CDH11: variants seen among roughly 807,000 people sequenced by gnomAD.
CDH11 encodes cadherin 11, also known as cadherin-11.
Under a neutral mutation model 67.8 loss-of-function variants are expected in CDH11, and 11 were observed. That is an observed-to-expected ratio of 0.16 (90% CI 0.10 to 0.27). The LOEUF (loss-of-function observed/expected upper bound fraction) is 0.27. Ranked by LOEUF, CDH11 falls within the 10% of genes least tolerant of loss-of-function variation. CDH11 has a pLI of 1.00. For missense variants in CDH11, 847 were observed against 1,031.2 expected (o/e 0.82, Z 2.45); for synonymous variants, 419 against 400.0 (o/e 1.05, Z -0.57).
rs188738588 is a variant in CDH11, at chr16:65,100,724, C to T, written c.-298+21156G>A. Among the ~76,000 whole-genome samples, 707 of 138,760 alleles carry T rather than the reference C, an allele frequency of 5.1e-3. 2 individuals carry two copies. Among genetic ancestry groups the T allele is most frequent in the African/African-American group, 0.018 (668 of 37,476 alleles). The allele number at this position is 138,760 out of a possible 152,430, so 91.0% of individuals were successfully genotyped here. ...CTGCACTCCAGCCCGGGTGACAGAG[C>T]GAGACTCTGTCTCAAAAAAAAAAAA... On this transcript the variant is annotated intron_variant, in intron 1 of 12. Coordinates refer to ENST00000268603, the MANE Select transcript of CDH11 (RefSeq NM_001797.4).
intron 6 of CDH11, among the ~76,000 whole-genome samples, chr16:64,990,539 T>TCACACA (rs2072601660): frequency 8.6e-6 from 1 of 116,752 alleles, no homozygotes; most frequent in Admixed American, 1.1e-4. Flanking sequence ...TACTGTCCAT[T>TCACACA]CATACACATC....
At chr16:65,062,302 G>A (rs529800980) in intron 1 of CDH11, among the ~76,000 whole-genome samples, 9 of 152,214 alleles carry the variant, frequency 5.9e-5, no homozygotes, top group Admixed American at 1.3e-4. Flanking sequence ...CAAGAAATCC[G>A]CTTATTTGCA....
chr16:65,101,623 C>G (rs2074993556), intron 1 of CDH11, among the ~76,000 whole-genome samples: 3 of 152,192 alleles, frequency 2.0e-5, no homozygotes, highest in Admixed American at 2.0e-4. Flanking sequence ...AAGACCATCA[C>G]TACCATCTTC....
chr16:64,991,616 T>C, intron 6 of CDH11, 152 bp downstream of exon 6: 1 of 542,716 alleles, frequency 1.8e-6, no homozygotes, highest in Non-Finnish European at 3.4e-6. Flanking sequence ...TGTTGTCTTG[T>C]TTTTGTGTTT....
intron 1 of CDH11, among the ~76,000 whole-genome samples, chr16:65,055,222 T>C (rs966472397): frequency 4.6e-5 from 7 of 152,190 alleles, no homozygotes; most frequent in Non-Finnish European, 1.0e-4. Context: ...TACCCCACAA[T>C]AACCCAGACA....
At chr16:65,019,862 A>G (rs2073386873) in intron 2 of CDH11, among the ~76,000 whole-genome samples, 2 of 151,892 alleles carry the variant, frequency 1.3e-5, no homozygotes, top group Non-Finnish European at 2.9e-5. Context: ...AGCCTATCTC[A>G]CTTAAAACAA....
Position 64,948,058 on chromosome 16 carries a change from C to T in CDH11, c.1936G>A (p.Glu646Lys). ...LFVTLRRQKKEPLIVFEEEDV... is the reference protein window; with the variant it reads ...LFVTLRRQKKKPLIVFEEEDV... ...TCTTCCTCAAAGACAATGAGTGGTT[C>T]TTTCTTTTGCCTTCTCAGGGTCACA... is the stretch of plus-strand genomic sequence containing the variant. The change falls in exon 13 of 13, where the codon GAA becomes AAA. Residue 646 changes from glutamate (E) to lysine (K), a missense_variant. Glu to Lys is a moderately conservative substitution (Grantham distance 56, BLOSUM62 1). This residue lies in a region of CDH11 where 612 missense variants were observed against 678.7 expected (regional missense o/e 0.90). Coordinates refer to ENST00000268603, the MANE Select transcript of CDH11 (RefSeq NM_001797.4). 1 of 1,614,036 alleles carries T rather than the reference C, an allele frequency of 6.2e-7. No individual in the cohort carries two copies. The highest frequency in any genetic ancestry group is 1.3e-5 in the African/African-American group (1 of 75,014).
intron 2 of CDH11, among the ~76,000 whole-genome samples, chr16:65,047,941 T>A (rs1233130223): frequency 6.6e-6 from 1 of 152,132 alleles, no homozygotes; most frequent in Non-Finnish European, 1.5e-5. Flanking sequence ...TTCTCACAGA[T>A]CCATGGAGCT....
chr16:64,999,914 C>T (rs180784208), intron 3 of CDH11, among the ~76,000 whole-genome samples: 49 of 152,230 alleles, frequency 3.2e-4, no homozygotes, highest in African/African-American at 1.1e-3. Flanking sequence ...TTTGTTACTA[C>T]AAACAATTCA....
rs570920283 is a variant in CDH11, at chr16:65,059,942, G to A, written c.-297-6014C>T. On this transcript the variant is annotated intron_variant, in intron 1 of 12. Transcript: ENST00000268603. ...TCCTACTACTCACTACATTTTATCT[G>A]TATTTCTTGCCCAAATTATGTAGCT... Among the ~76,000 whole-genome samples the A allele has an allele frequency of 3.3e-5, 5 of 152,206 alleles. No homozygotes were observed. In the South Asian group the frequency reaches 6.2e-4, roughly 19 times the overall value.
At chr16:64,971,074 A>G (rs1376949586) in intron 11 of CDH11, among the ~76,000 whole-genome samples, 1 of 152,246 alleles carries the variant, frequency 6.6e-6, no homozygotes, top group African/African-American at 2.4e-5. Context: ...TGGACAAACA[A>G]TGCTTTGTTT....
chr16:64,968,981 T>C (rs547754610), intron 11 of CDH11, among the ~76,000 whole-genome samples: 1 of 152,324 alleles, frequency 6.6e-6, no homozygotes, highest in East Asian at 1.9e-4. Context: ...GGAGTTTTCA[T>C]TAACTGTTTG....
intron 2 of CDH11, among the ~76,000 whole-genome samples, chr16:65,028,126 G>A (rs2073569227): frequency 6.6e-6 from 1 of 152,190 alleles, no homozygotes; most frequent in African/African-American, 2.4e-5. Context: ...CTCTTCTGTG[G>A]CGATGCTTTC....
At chr16:64,980,618 T>C (rs988938803) in intron 8 of CDH11, among the ~76,000 whole-genome samples, 4 of 152,132 alleles carry the variant, frequency 2.6e-5, no homozygotes, top group African/African-American at 4.8e-5. Flanking sequence ...AAGAATGAGA[T>C]GGAGGTAGAG....
chr16:65,094,922 G>A (rs139203722), intron 1 of CDH11: 16 of 152,140 alleles, frequency 1.1e-4, no homozygotes, highest in African/African-American at 3.9e-4. Flanking sequence ...CATTCTCTTG[G>A]TTATAAATTA....
At chr16:65,095,900 C>T in intron 1 of CDH11, among the ~76,000 whole-genome samples, 1 of 152,160 alleles carries the variant, frequency 6.6e-6, no homozygotes, top group African/African-American at 2.4e-5. Context: ...GAGCTCCCTG[C>T]CTCTTCCACT....
At chr16:65,022,334 T>C (rs1290075513) in intron 2 of CDH11, among the ~76,000 whole-genome samples, 4 of 152,138 alleles carry the variant, frequency 2.6e-5, no homozygotes, top group Non-Finnish European at 5.9e-5. Flanking sequence ...GTAACACAAT[T>C]CACTATTTTA....
chr16:64,995,008 A>G (rs944452633), intron 4 of CDH11, among the ~76,000 whole-genome samples: 1 of 152,190 alleles, frequency 6.6e-6, no homozygotes. Flanking sequence ...CCAAGGAGGT[A>G]AATGATCTGT....
In CDH11 at chr16:65,035,677, C is replaced by T. The variant is rs550123922; in HGVS notation, c.-173+18127G>A. Reference sequence around the variant, plus strand: ...CACAATAATAATTCATACTTTATAGCACTTTATAATTTACAAAGGGCTTTC... The same window carrying T: ...CACAATAATAATTCATACTTTATAGTACTTTATAATTTACAAAGGGCTTTC... On this transcript the variant is annotated intron_variant, in intron 2 of 12. Transcript: ENST00000268603. Among the ~76,000 whole-genome samples, 7 of 152,298 alleles carry T rather than the reference C, an allele frequency of 4.6e-5. No homozygotes were observed. The South Asian group carries it at 1.4e-3, about 32-fold the overall frequency.
Sources: gnomAD v4.1 joint callset for allele counts (sites outside exome capture counted in the v4.1 genomes callset) on GRCh38, gnomAD v4.1.1 for gene constraint, gnomAD v4.1.1 regional missense constraint, MANE v1.5 for transcripts, NCBI Gene and HGNC (gene_info 2026-07-23, HGNC 2026-07-21) for gene names.